Variants in SHISA9 observed in about 807,000 individuals in gnomAD.
The protein encoded by SHISA9 is protein shisa-9.
In SHISA9, 13 loss-of-function variants were observed where a neutral mutation model predicts 38.0. That is an observed-to-expected ratio of 0.34 (90% confidence interval 0.22 to 0.54). The LOEUF is 0.54. SHISA9 is among the 20% of genes least tolerant of loss of function. The probability of loss-of-function intolerance (pLI) is 0.91; values close to 1 mark genes in which losing one functional copy is unlikely to be tolerated. For missense variants in SHISA9, 538 were observed against 575.8 expected (o/e 0.93, Z 0.67); for synonymous variants, 275 against 242.0 (o/e 1.14, Z -1.27).
At chr16:13,153,725 G>A (rs1043762561) in intron 2 of SHISA9, among the ~76,000 whole-genome samples, 1 of 152,152 alleles carries the variant, frequency 6.6e-6, no homozygotes. Flanking sequence ...CTTCTCTGGA[G>A]CATGAGAAAA....
At chr16:13,482,036 C>T in the SHISA9 span, among the ~76,000 whole-genome samples, 4 of 152,148 alleles carry the variant, frequency 2.6e-5, no homozygotes, top group Non-Finnish European at 5.9e-5. Flanking sequence ...GAATGTCTTC[C>T]ACTGGCCCTT....
At chr16:13,547,981 A>G in the SHISA9 span, among the ~76,000 whole-genome samples, 32 of 152,156 alleles carry the variant, frequency 2.1e-4, no homozygotes, top group African/African-American at 7.7e-4. Flanking sequence ...CAAGTCTATA[A>G]TATGCAAAAT....
chr16:13,134,518 G>T (rs562574160), intron 2 of SHISA9, among the ~76,000 whole-genome samples: 5 of 152,210 alleles, frequency 3.3e-5, no homozygotes, highest in Admixed American at 3.3e-4. Flanking sequence ...GAGAATATTT[G>T]AGTTAAATCT....
chr16:13,392,954 A>T, the SHISA9 span, among the ~76,000 whole-genome samples: 1 of 152,182 alleles, frequency 6.6e-6, no homozygotes, highest in African/African-American at 2.4e-5. Context: ...GAGATGATAA[A>T]TGTCTGGCTT....
intron 4 of SHISA9, among the ~76,000 whole-genome samples, chr16:13,222,211 A>T (rs56289035): frequency 0.47 from 71,620 of 151,754 alleles, 17,706 homozygotes; most frequent in East Asian, 0.75. Flanking sequence ...GTCCCTCCCA[A>T]GACACTTGGG....
At chr16:13,367,749 C>G in the SHISA9 span, among the ~76,000 whole-genome samples, 2 of 149,180 alleles carry the variant, frequency 1.3e-5, no homozygotes, top group Admixed American at 6.7e-5. Context: ...CACACACACA[C>G]CCCTGAATTT....
intron 2 of SHISA9, among the ~76,000 whole-genome samples, chr16:13,183,786 GCT>G (rs2050796983): frequency 6.6e-6 from 1 of 152,078 alleles, no homozygotes; most frequent in Admixed American, 6.6e-5. Context: ...TGCTCTCTTG[GCT>G]CTGTTTCCAT....
intron 2 of SHISA9, among the ~76,000 whole-genome samples, chr16:13,058,424 C>G (rs541088787): frequency 1.3e-5 from 2 of 152,312 alleles, no homozygotes; most frequent in East Asian, 3.9e-4. Flanking sequence ...TGACAAGTAA[C>G]TGCTACGGCC....
chr16:12,949,141 T>G (rs992446460), intron 2 of SHISA9, among the ~76,000 whole-genome samples: 1 of 152,194 alleles, frequency 6.6e-6, no homozygotes, highest in Non-Finnish European at 1.5e-5. Flanking sequence ...GAAAGTTCCC[T>G]AGGAGCAGAG....
the SHISA9 span, among the ~76,000 whole-genome samples, chr16:13,544,990 G>A: frequency 2.6e-5 from 4 of 151,960 alleles, no homozygotes; most frequent in Non-Finnish European, 5.9e-5. Flanking sequence ...GCATTGATCT[G>A]GTGACATCAT....
the SHISA9 span, among the ~76,000 whole-genome samples, chr16:13,306,174 G>A: frequency 1.3e-5 from 2 of 152,278 alleles, no homozygotes; most frequent in South Asian, 2.1e-4. Flanking sequence ...GGCAAGAGAT[G>A]GGAAGCAAGA....
intron 2 of SHISA9, among the ~76,000 whole-genome samples, chr16:13,189,170 C>G (rs926827105): frequency 1.4e-4 from 22 of 152,294 alleles, no homozygotes; most frequent in African/African-American, 5.3e-4. Context: ...TTAAGCCACT[C>G]CATTTGTTGT....
intron 2 of SHISA9, among the ~76,000 whole-genome samples, chr16:13,187,040 A>G (rs9938045): frequency 0.15 from 22,681 of 152,136 alleles, 1,964 homozygotes; most frequent in Middle Eastern, 0.23. Context: ...ACACGGGTCT[A>G]CAAATACCAC....
At chr16:13,503,304 T>A in the SHISA9 span, among the ~76,000 whole-genome samples, 1 of 152,222 alleles carries the variant, frequency 6.6e-6, no homozygotes, top group Non-Finnish European at 1.5e-5. Flanking sequence ...AAGTCCATGA[T>A]AAGCTCTTGG....
At chr16:12,980,523 C>G (rs2141822409) in intron 2 of SHISA9, among the ~76,000 whole-genome samples, 1 of 150,464 alleles carries the variant, frequency 6.6e-6, no homozygotes, top group Admixed American at 6.6e-5. Flanking sequence ...TTTAGAAGTT[C>G]CTGTGTTTTT....
At chr16:12,952,616 C>T (rs1596546737) in intron 2 of SHISA9, among the ~76,000 whole-genome samples, 6 of 152,278 alleles carry the variant, frequency 3.9e-5, no homozygotes, top group South Asian at 4.2e-4. Context: ...GGGGTGGTTT[C>T]CTCTATGCTG....
rs1316511071 is a variant in SHISA9 at position 13,051,341 on chromosome 16, G to T, written c.691+134526G>T. 3.9e-5 allele frequency among the ~76,000 whole-genome samples: 6 copies of T among 152,334 alleles called. No individual in the cohort carries two copies. The South Asian group carries it at 1.2e-3, about 32-fold the overall frequency. The stretch of plus-strand genomic sequence containing the variant: ...AGACTTATTCACTACCACAAGAACA[G>T]TATGGGGGAAACCACCCCGATGATG... On this transcript the variant is annotated intron_variant, in intron 2 of 4. Coordinates refer to ENST00000558583, the MANE Select transcript of SHISA9 (RefSeq NM_001145204.3).
At chr16:13,268,407 G>A in the SHISA9 span, among the ~76,000 whole-genome samples, 1 of 152,134 alleles carries the variant, frequency 6.6e-6, no homozygotes, top group Non-Finnish European at 1.5e-5. Context: ...CTACTTGGGA[G>A]TTGAGGCAGG....
At chr16:12,977,297 T>TG (rs1198962072) in intron 2 of SHISA9, among the ~76,000 whole-genome samples, 2 of 152,094 alleles carry the variant, frequency 1.3e-5, no homozygotes, top group Non-Finnish European at 2.9e-5. Flanking sequence ...GAAGTGGTGA[T>TG]GGGGAGAGCA....
Sources: gnomAD v4.1 joint callset for allele counts (sites outside exome capture counted in the v4.1 genomes callset) on GRCh38, gnomAD v4.1.1 for gene constraint, MANE v1.5 for transcripts, NCBI Gene and HGNC (gene_info 2026-07-23, HGNC 2026-07-21) for gene names.